ZNF277: variants seen among roughly 807,000 people sequenced by gnomAD.
The protein encoded by ZNF277 is nuclear receptor-interacting factor 4.
Under a neutral mutation model 60.7 loss-of-function variants are expected in ZNF277, and 55 were observed. The observed-to-expected ratio is 0.91, with a 90% confidence interval of 0.73 to 1.13. The LOEUF (loss-of-function observed/expected upper bound fraction) is 1.13, where lower values mean the gene tolerates loss of function less well. ZNF277 is among the 50% of genes most tolerant of loss of function. The pLI is 0.00. For synonymous variants in ZNF277, 178 were observed against 179.3 expected, an observed-to-expected ratio of 0.99 and a Z score of 0.06; for missense variants, 510 against 523.0, an observed-to-expected ratio of 0.98 and a Z score of 0.24.
At chr7:112,206,862 G>C (rs1483142067) in intron 1 of ZNF277, 55 bp downstream of exon 1, 1 of 1,555,974 alleles carries the variant, frequency 6.4e-7, no homozygotes, top group African/African-American at 1.4e-5. Flanking sequence ...TCTATGACCG[G>C]GTGTGCAACG....
intron 1 of ZNF277, among the ~76,000 whole-genome samples, chr7:112,265,144 C>T (rs1791520598): frequency 6.6e-6 from 1 of 152,170 alleles, no homozygotes; most frequent in African/African-American, 2.4e-5. Context: ...CCTTTGCATT[C>T]CCAACTTGGC....
At chr7:112,277,374 G>A (rs184092846) in intron 1 of ZNF277, among the ~76,000 whole-genome samples, 336 of 152,176 alleles carry the variant, frequency 2.2e-3, no homozygotes, top group Admixed American at 6.5e-3. Context: ...GAGCCACCAC[G>A]CCTGGCCAAG....
At chr7:112,244,847 A>G (rs1279535664) in intron 1 of ZNF277, among the ~76,000 whole-genome samples, 1 of 152,166 alleles carries the variant, frequency 6.6e-6, no homozygotes, top group East Asian at 1.9e-4. Flanking sequence ...TTTATAATTT[A>G]GTAGTTTAAA....
intron 1 of ZNF277, among the ~76,000 whole-genome samples, chr7:112,275,212 G>A (rs1791765900): frequency 6.6e-6 from 1 of 152,106 alleles, no homozygotes; most frequent in African/African-American, 2.4e-5. Flanking sequence ...TGAGAATTTA[G>A]TTCCTATTAG....
At chr7:112,294,255 A>G (rs1792275721) in intron 2 of ZNF277, among the ~76,000 whole-genome samples, 1 of 152,204 alleles carries the variant, frequency 6.6e-6, no homozygotes, top group Admixed American at 6.5e-5. Flanking sequence ...AGGAGTAGCC[A>G]TGTAGGAGAC....
intron 5 of ZNF277, among the ~76,000 whole-genome samples, chr7:112,324,244 T>C (rs1793049894): frequency 6.6e-6 from 1 of 152,174 alleles, no homozygotes; most frequent in Admixed American, 6.5e-5. Context: ...CAACACAAAC[T>C]GTACTTTATA....
At chr7:112,307,820 G>T (rs1462858209) in intron 4 of ZNF277, among the ~76,000 whole-genome samples, 3 of 151,792 alleles carry the variant, frequency 2.0e-5, no homozygotes, top group African/African-American at 7.3e-5. Context: ...GGCTAAGGTA[G>T]ATGCTTTTTT....
chr7:112,261,540 T>C (rs988866341), intron 1 of ZNF277, among the ~76,000 whole-genome samples: 4 of 152,110 alleles, frequency 2.6e-5, no homozygotes, highest in African/African-American at 9.7e-5. Context: ...AACTCTGGAA[T>C]TGATGATGGA....
chr7:112,296,303 CAG>C lies in ZNF277; in HGVS notation c.461_462del (p.Arg154ThrfsTer14), dbSNP rs766970974. On this transcript the variant is annotated frameshift_variant, in exon 4 of 12. Coordinates refer to ENST00000361822, the MANE Select transcript of ZNF277 (RefSeq NM_021994.3). LOFTEE classifies it high-confidence loss of function. ...DRILREELQK[Q>X]RLREILEQQQ... Reference sequence around the variant, plus strand: ...AATTCTTAGAGAAGAGCTTCAGAAACAGAGACTGGTAAGAATTGTTTTTAAAG... The same window carrying C: ...AATTCTTAGAGAAGAGCTTCAGAAACAGACTGGTAAGAATTGTTTTTAAAG... The C allele has an allele frequency of 1.0e-5, 16 of 1,566,312 alleles. No individual in the cohort carries two copies. Among genetic ancestry groups the C allele is most frequent in the African/African-American group, 4.1e-5 (3 of 72,880 alleles).
At chr7:112,282,854 CA>C (rs1269225131) in intron 1 of ZNF277, among the ~76,000 whole-genome samples, 4 of 152,212 alleles carry the variant, frequency 2.6e-5, no homozygotes, top group Admixed American at 6.5e-5. Flanking sequence ...CAGGTCATTT[CA>C]CCTCTCACCC....
At chr7:112,282,621 C>A (rs752774903) in intron 1 of ZNF277, among the ~76,000 whole-genome samples, 1 of 152,212 alleles carries the variant, frequency 6.6e-6, no homozygotes, top group African/African-American at 2.4e-5. Context: ...ATTGCTGCTG[C>A]CTCAGACAAG....
chr7:112,306,126 G>A (rs1252547977), intron 4 of ZNF277, among the ~76,000 whole-genome samples: 1 of 151,580 alleles, frequency 6.6e-6, no homozygotes, highest in Non-Finnish European at 1.5e-5. Context: ...TTTAATTAAT[G>A]GCTGAAAACT....
At chr7:112,237,868 CAAA>C (rs2116988079) in intron 1 of ZNF277, among the ~76,000 whole-genome samples, 1 of 151,996 alleles carries the variant, frequency 6.6e-6, no homozygotes, top group East Asian at 1.9e-4. Context: ...AAGGACACAA[CAAA>C]AAAAGAAAAC....
intron 1 of ZNF277, among the ~76,000 whole-genome samples, chr7:112,247,952 G>A (rs1313912031): frequency 3.1e-5 from 4 of 127,496 alleles, no homozygotes; most frequent in Admixed American, 8.5e-5. Context: ...TGGGCAACAA[G>A]ATGAAACTCC....
intron 1 of ZNF277, among the ~76,000 whole-genome samples, chr7:112,208,673 G>GTTTTTTTTTTTTTTTTTTTT (rs1407981050): frequency 3.5e-5 from 2 of 56,822 alleles, no homozygotes; most frequent in Non-Finnish European, 7.2e-5. Context: ...TGTATGATTT[G>GTTTTTTTTTTTTTTTTTTTT]ATTTTTTTTT....
Position 112,207,635 on chromosome 7 carries a change from TC to T in ZNF277, c.91+831del, listed in dbSNP as rs562651740. 2.0e-3 allele frequency among the ~76,000 whole-genome samples: 305 copies of T among 152,252 alleles called. 1 individual carries two copies. Among genetic ancestry groups the T allele is most frequent in the African/African-American group, 7.0e-3 (290 of 41,538 alleles). The stretch of plus-strand genomic sequence containing the variant: ...TTAGGACTCTTTTACCTTTAGTCTA[TC>T]CCTCCCCCATTCCCCCCACCCCATT... On this transcript the variant is annotated intron_variant, in intron 1 of 11. Transcript: ENST00000361822.
intron 5 of ZNF277, 149 bp downstream of exon 5, chr7:112,318,422 G>A (rs1247640876): frequency 2.2e-5 from 14 of 625,224 alleles, no homozygotes; most frequent in African/African-American, 5.5e-5. Flanking sequence ...TATACCCAAC[G>A]TCCAAGATGA....
intron 5 of ZNF277, among the ~76,000 whole-genome samples, chr7:112,325,980 C>T (rs1793083341): frequency 6.6e-6 from 1 of 152,172 alleles, no homozygotes; most frequent in African/African-American, 2.4e-5. Flanking sequence ...CCTCCAAACT[C>T]ATTTACCCCA....
At chr7:112,236,525 A>G (rs1176007158) in intron 1 of ZNF277, among the ~76,000 whole-genome samples, 3 of 152,062 alleles carry the variant, frequency 2.0e-5, no homozygotes, top group Non-Finnish European at 4.4e-5. Flanking sequence ...ATAGTTGAAC[A>G]TGTAAGTGTA....
Sources: gnomAD v4.1 joint callset for allele counts (sites outside exome capture counted in the v4.1 genomes callset) on GRCh38, gnomAD v4.1.1 for gene constraint, MANE v1.5 for transcripts, NCBI Gene and HGNC (gene_info 2026-07-23, HGNC 2026-07-21) for gene names.